Variants in KCNK9 observed in about 807,000 individuals in gnomAD.
KCNK9 encodes potassium two pore domain channel subfamily K member 9, also known as potassium channel subfamily K member 9.
A neutral mutation model predicts 10.8 loss-of-function variants in KCNK9; 1 was observed. That is an observed-to-expected ratio of 0.09 (90% CI 0.03 to 0.44). The LOEUF (loss-of-function observed/expected upper bound fraction) is 0.44, where lower values mean the gene tolerates loss of function less well. Ranked by LOEUF, KCNK9 falls within the 20% of genes least tolerant of loss-of-function variation. The probability of loss-of-function intolerance (pLI) is 0.97; values close to 1 mark genes in which losing one functional copy is unlikely to be tolerated. For synonymous variants in KCNK9, 231 were observed against 222.7 expected (o/e 1.04, Z -0.33); for missense variants, 303 against 515.0 (o/e 0.59, Z 3.98).
At chr8:139,677,993 C>T (rs539011067) in intron 1 of KCNK9, among the ~76,000 whole-genome samples, 187 of 146,928 alleles carry the variant, frequency 1.3e-3, no homozygotes, top group African/African-American at 4.5e-3. Flanking sequence ...CCCAGCCCAA[C>T]AGGTCCCCAC....
chr8:139,609,033 C>G (rs1319840403), downstream of KCNK9, among the ~76,000 whole-genome samples: 1 of 150,566 alleles, frequency 6.6e-6, no homozygotes, highest in African/African-American at 2.5e-5. Context: ...GGAGATGACA[C>G]CCCCTCCCTC....
intron 1 of KCNK9, among the ~76,000 whole-genome samples, chr8:139,687,362 A>C (rs1816814754): frequency 6.9e-6 from 1 of 145,290 alleles, no homozygotes; most frequent in Non-Finnish European, 1.5e-5. Flanking sequence ...ATGTATACAT[A>C]TATATGTGTA....
chr8:139,659,013 G>A (rs778286021), intron 1 of KCNK9, among the ~76,000 whole-genome samples: 18 of 137,354 alleles, frequency 1.3e-4, no homozygotes, highest in Admixed American at 2.8e-4. Context: ...AGAGGTGAGT[G>A]TGAAGCAAAA....
intron 1 of KCNK9, among the ~76,000 whole-genome samples, chr8:139,655,710 A>G (rs1163060960): frequency 1.3e-5 from 2 of 152,116 alleles, no homozygotes; most frequent in Admixed American, 6.5e-5. Context: ...GCCAACTCCA[A>G]ACTGGGCTCC....
At chr8:139,627,115 C>A (rs1815002599) in intron 1 of KCNK9, among the ~76,000 whole-genome samples, 1 of 152,204 alleles carries the variant, frequency 6.6e-6, no homozygotes, top group Non-Finnish European at 1.5e-5. Context: ...TGACCTTGGG[C>A]AAGACACCTT....
chr8:139,690,708 G>T (rs1816918378), intron 1 of KCNK9, among the ~76,000 whole-genome samples: 2 of 152,150 alleles, frequency 1.3e-5, no homozygotes, highest in African/African-American at 4.8e-5. Flanking sequence ...GACAGGCTGT[G>T]GGTGTAATGG....
chr8:139,684,425 A>G (rs1308234512), intron 1 of KCNK9, among the ~76,000 whole-genome samples: 1 of 152,188 alleles, frequency 6.6e-6, no homozygotes, highest in Non-Finnish European at 1.5e-5. Context: ...CTAACTTTAT[A>G]CCTTATTTTT....
intron 1 of KCNK9, among the ~76,000 whole-genome samples, chr8:139,670,592 C>T (rs1816403986): frequency 2.0e-5 from 3 of 152,116 alleles, no homozygotes; most frequent in Admixed American, 1.3e-4. Context: ...ATATCAGGGA[C>T]TTGAACATCC....
chr8:139,637,764 C>T (rs1381287484), intron 1 of KCNK9, among the ~76,000 whole-genome samples: 3 of 148,906 alleles, frequency 2.0e-5, no homozygotes, highest in Non-Finnish European at 4.5e-5. Flanking sequence ...CTACTCTACA[C>T]ACACACACAC....
At chr8:139,605,934 A>G (rs192548619) in intron 2 of KCNK9, among the ~76,000 whole-genome samples, 63 of 152,358 alleles carry the variant, frequency 4.1e-4, no homozygotes, top group African/African-American at 1.4e-3. Context: ...GAACTTCAGA[A>G]CGGCATTCTA....
intron 1 of KCNK9, among the ~76,000 whole-genome samples, chr8:139,700,489 C>CAT (rs1484540776): frequency 5.5e-4 from 73 of 132,000 alleles, no homozygotes; most frequent in African/African-American, 2.5e-3. Flanking sequence ...TACACATACA[C>CAT]ACACACACAC....
chr8:139,625,269 G>C (rs1310860865), intron 1 of KCNK9, among the ~76,000 whole-genome samples: 1 of 152,188 alleles, frequency 6.6e-6, no homozygotes, highest in East Asian at 1.9e-4. Flanking sequence ...CGGTTACTAG[G>C]TGCCTCTCCC....
chr8:139,637,006 C>G (rs1412429355), intron 1 of KCNK9, among the ~76,000 whole-genome samples: 3 of 152,182 alleles, frequency 2.0e-5, no homozygotes, highest in Non-Finnish European at 4.4e-5. Context: ...AAGTACATGA[C>G]CACTTAGGTC....
At position 139,675,837 on chromosome 8, in the gene KCNK9, A is replaced by T. The variant is rs188645359; in HGVS notation, c.283+26873T>A. Among the ~76,000 whole-genome samples the T allele has an allele frequency of 7.2e-3, 1,100 of 152,288 alleles. 13 individuals carry two copies. The highest frequency in any genetic ancestry group is 0.018 in the South Asian group (89 of 4,822). ...CCTGTGACAGAACCTGTTGGTGTTC[A>T]CCAAACCTCATAAACCTGGTGCAAT... On this transcript the variant is annotated intron_variant, in intron 1 of 1. Transcript: ENST00000520439.
At chr8:139,664,390 A>G (rs1586675034) in intron 1 of KCNK9, among the ~76,000 whole-genome samples, 1 of 137,096 alleles carries the variant, frequency 7.3e-6, no homozygotes, top group East Asian at 2.4e-4. Context: ...CCAGCCAGGC[A>G]AAGCCCTCCA....
chr8:139,660,931 T>C (rs1240774637), intron 1 of KCNK9, among the ~76,000 whole-genome samples: 2 of 152,214 alleles, frequency 1.3e-5, no homozygotes, highest in African/African-American at 4.8e-5. Flanking sequence ...CCTCTGGCCA[T>C]GGGAGCATCC....
downstream of KCNK9, among the ~76,000 whole-genome samples, chr8:139,610,923 C>G (rs1814404474): frequency 6.6e-6 from 1 of 152,262 alleles, no homozygotes; most frequent in African/African-American, 2.4e-5. Flanking sequence ...ATCTGTGCCC[C>G]CTGTGCTGTC....
chr8:139,613,484 G>A (rs192415193), downstream of KCNK9, among the ~76,000 whole-genome samples: 204 of 152,202 alleles, frequency 1.3e-3, no homozygotes, highest in Non-Finnish European at 2.1e-3. Flanking sequence ...TGCTATTGCC[G>A]GTCCCTCTTC....
chr8:139,702,875 T>C lies in KCNK9; in HGVS notation c.118A>G (p.Lys40Glu). The change falls in exon 1 of 2, where the codon AAA (lysine) becomes GAA (glutamate). Residue 40 changes from lysine (K) to glutamate (E), a missense_variant. Lys to Glu is a moderately conservative substitution (Grantham distance 56). Transcript: ENST00000520439. The surrounding 1 kb of genome is among the most constrained non-coding windows in gnomAD (Gnocchi z 7.5). Reference sequence around the variant, plus strand: ...ATCCGGATCTCCTCGGCTTTGAGTTTCTCCTCCTCGCGCATCTCGTGGTCC... The same window carrying C: ...ATCCGGATCTCCTCGGCTTTGAGTTCCTCCTCCTCGCGCATCTCGTGGTCC... ...ESDHEMREEE[K>E]LKAEEIRIKG... is the part of the protein sequence containing the mutation. The C allele has an allele frequency of 1.2e-6, 2 of 1,613,690 alleles. No individual in the cohort carries two copies. Among genetic ancestry groups the C allele is most frequent in the Non-Finnish European group, 1.7e-6 (2 of 1,179,918 alleles).
Sources: gnomAD v4.1 joint callset for allele counts (sites outside exome capture counted in the v4.1 genomes callset) on GRCh38, gnomAD v4.1.1 for gene constraint, Gnocchi (gnomAD v3.1) non-coding constraint, MANE v1.5 for transcripts, NCBI Gene and HGNC (gene_info 2026-07-23, HGNC 2026-07-21) for gene names.